GALNT17: variants seen among roughly 807,000 people sequenced by gnomAD.
GALNT17 encodes the protein polypeptide N-acetylgalactosaminyltransferase 17, also known as UDP-GalNAc:polypeptide N-acetylgalactosaminyltransferase-like 3.
A neutral mutation model predicts 63.7 loss-of-function variants in GALNT17; 29 were observed. That is an observed-to-expected ratio of 0.46 (90% CI 0.34 to 0.62). GALNT17 has a LOEUF of 0.62. GALNT17 is among the 20% of genes least tolerant of loss of function. The pLI is 0.01. For synonymous variants in GALNT17, 305 were observed against 318.3 expected (o/e 0.96, Z 0.45); for missense variants, 603 against 799.6 (o/e 0.75, Z 2.97).
At chr7:71,388,771 C>T (rs528213330) in intron 3 of GALNT17, among the ~76,000 whole-genome samples, 1 of 152,240 alleles carries the variant, frequency 6.6e-6, no homozygotes, top group African/African-American at 2.4e-5. Flanking sequence ...AGGTGATCCG[C>T]TCACCTCAGC....
At chr7:71,250,886 C>A (rs1173669372) in intron 1 of GALNT17, among the ~76,000 whole-genome samples, 1 of 152,130 alleles carries the variant, frequency 6.6e-6, no homozygotes, top group Non-Finnish European at 1.5e-5. Flanking sequence ...CCAGTGTTTT[C>A]AATACATTTT....
intron 5 of GALNT17, among the ~76,000 whole-genome samples, chr7:71,498,256 A>C (rs1788127241): frequency 6.6e-6 from 1 of 152,152 alleles, no homozygotes; most frequent in Non-Finnish European, 1.5e-5. Flanking sequence ...TGGGCGGATC[A>C]CTTGAGATCA....
chr7:71,185,528 T>C (rs898734107), intron 1 of GALNT17, among the ~76,000 whole-genome samples: 3 of 147,398 alleles, frequency 2.0e-5, no homozygotes, highest in African/African-American at 7.5e-5. Context: ...TTTTCTTTTT[T>C]TTTTTTTTTT....
chr7:71,183,224 C>T (rs973037850), intron 1 of GALNT17, among the ~76,000 whole-genome samples: 1 of 152,094 alleles, frequency 6.6e-6, no homozygotes, highest in Non-Finnish European at 1.5e-5. Flanking sequence ...TCTAGCTGGG[C>T]ATTTCACGAT....
At chr7:71,404,819 G>T (rs1265326658) in intron 3 of GALNT17, among the ~76,000 whole-genome samples, 2 of 152,150 alleles carry the variant, frequency 1.3e-5, no homozygotes, top group East Asian at 3.9e-4. Flanking sequence ...CAGCCCTTAG[G>T]CCTCTTCTCT....
At chr7:71,323,345 C>G (rs998816898) in intron 1 of GALNT17, among the ~76,000 whole-genome samples, 1 of 152,130 alleles carries the variant, frequency 6.6e-6, no homozygotes, top group African/African-American at 2.4e-5. Flanking sequence ...AATTTCTGCA[C>G]CAAATGGGGT....
intron 5 of GALNT17, among the ~76,000 whole-genome samples, chr7:71,549,764 A>G (rs956104446): frequency 6.6e-5 from 10 of 152,002 alleles, no homozygotes; most frequent in African/African-American, 2.4e-4. Flanking sequence ...AGCCCCTGGA[A>G]GAATTTTGGA....
rs538448785 is a variant in GALNT17, at chr7:71,479,346, C to T, written c.962+58241C>T. Among the ~76,000 whole-genome samples the T allele has an allele frequency of 2.6e-5, 4 of 152,086 alleles. No homozygotes were observed. The South Asian group carries it at 8.3e-4, about 32-fold the overall frequency. On this transcript the variant is annotated intron_variant, in intron 5 of 10. Coordinates refer to ENST00000333538, the MANE Select transcript of GALNT17 (RefSeq NM_022479.3). ...TTCCCCACTCAGTTTTGCACTGGGG[C>T]TCAGCACGTATGGTTTCAGGTAGGC... is the stretch of plus-strand genomic sequence containing the variant.
intron 5 of GALNT17, among the ~76,000 whole-genome samples, chr7:71,439,538 A>T (rs983873726): frequency 6.6e-6 from 1 of 152,358 alleles, no homozygotes; most frequent in East Asian, 1.9e-4. Context: ...GCCTGCCTCC[A>T]TCAACCGACA....
At chr7:71,387,556 C>A (rs574876363) in intron 2 of GALNT17, among the ~76,000 whole-genome samples, 6 of 152,134 alleles carry the variant, frequency 3.9e-5, no homozygotes, top group East Asian at 2.0e-4. Flanking sequence ...AAACTCCTGG[C>A]CTCAAGCGAC....
At chr7:71,686,789 C>T (rs1446117976) in intron 9 of GALNT17, among the ~76,000 whole-genome samples, 1 of 152,174 alleles carries the variant, frequency 6.6e-6, no homozygotes, top group African/African-American at 2.4e-5. Flanking sequence ...TCAAACCTAA[C>T]ACGTTCCTGC....
At chr7:71,225,153 G>A (rs1380634721) in intron 1 of GALNT17, among the ~76,000 whole-genome samples, 1 of 152,004 alleles carries the variant, frequency 6.6e-6, no homozygotes, top group Non-Finnish European at 1.5e-5. Context: ...ATTTTTAGTA[G>A]AGATGGGGTT....
At chr7:71,596,934 T>A (rs530206791) in intron 6 of GALNT17, among the ~76,000 whole-genome samples, 37 of 152,168 alleles carry the variant, frequency 2.4e-4, no homozygotes, top group Non-Finnish European at 4.6e-4. Flanking sequence ...ACACCTCTAA[T>A]TCCAGTGCTG....
chr7:71,248,347 G>T (rs554503195), intron 1 of GALNT17, among the ~76,000 whole-genome samples: 2 of 152,276 alleles, frequency 1.3e-5, no homozygotes, highest in South Asian at 4.2e-4. Flanking sequence ...TGAGATTTGG[G>T]TGGGGACACA....
At chr7:71,188,661 T>G (rs1032963452) in intron 1 of GALNT17, among the ~76,000 whole-genome samples, 14 of 152,116 alleles carry the variant, frequency 9.2e-5, no homozygotes, top group African/African-American at 2.4e-5. Flanking sequence ...ATTGTGAAGA[T>G]TTTCTCCCAG....
intron 1 of GALNT17, among the ~76,000 whole-genome samples, chr7:71,166,768 C>T (rs1788448312): frequency 6.6e-6 from 1 of 152,132 alleles, no homozygotes. Flanking sequence ...CAGATTGTAG[C>T]TATTTCCAGT....
At chr7:71,225,030 T>A (rs10226156) in intron 1 of GALNT17, among the ~76,000 whole-genome samples, 6 of 151,990 alleles carry the variant, frequency 3.9e-5, no homozygotes, top group African/African-American at 9.7e-5. Flanking sequence ...CTGGAGGGGC[T>A]TGATCTCTGC....
intron 1 of GALNT17, among the ~76,000 whole-genome samples, chr7:71,156,245 A>G (rs1364419606): frequency 6.6e-6 from 1 of 151,726 alleles, no homozygotes; most frequent in East Asian, 1.9e-4. Flanking sequence ...TCGTGCCTGT[A>G]GCTTGAACAC....
chr7:71,513,626 T>G (rs1788400777), intron 5 of GALNT17, among the ~76,000 whole-genome samples: 1 of 152,082 alleles, frequency 6.6e-6, no homozygotes, highest in East Asian at 1.9e-4. Flanking sequence ...CCTCAAGTGA[T>G]TCGCCCACTT....
Sources: allele counts gnomAD v4.1 joint callset (sites outside exome capture counted in the v4.1 genomes callset), GRCh38; gene constraint gnomAD v4.1.1; transcripts MANE v1.5; gene names NCBI Gene and HGNC (gene_info 2026-07-23, HGNC 2026-07-21).